KCNMB2: variants seen among roughly 807,000 people sequenced by gnomAD.
KCNMB2 encodes potassium calcium-activated channel subfamily M regulatory beta subunit 2.
In KCNMB2, 9 loss-of-function variants were observed where a neutral mutation model predicts 24.5. The observed-to-expected ratio is 0.37, with a 90% CI of 0.22 to 0.64. The LOEUF (loss-of-function observed/expected upper bound fraction) is 0.64. Ranked by LOEUF, KCNMB2 falls within the 30% of genes least tolerant of loss-of-function variation. KCNMB2 has a pLI of 0.63. For missense variants in KCNMB2, 226 were observed against 284.3 expected (o/e 0.79, Z 1.47); for synonymous variants, 109 against 104.4 (o/e 1.04, Z -0.27).
At chr3:178,747,357 C>T (rs1349415710) in intron 1 of KCNMB2, among the ~76,000 whole-genome samples, 1 of 152,202 alleles carries the variant, frequency 6.6e-6, no homozygotes, top group Non-Finnish European at 1.5e-5. Flanking sequence ...CCACTGGGTC[C>T]CTCCCACAAC....
intron 1 of KCNMB2, among the ~76,000 whole-genome samples, chr3:178,759,296 C>CAT (rs1467058925): frequency 1.0e-5 from 1 of 96,740 alleles, no homozygotes; most frequent in Non-Finnish European, 2.0e-5. Flanking sequence ...CAAGAGGAGA[C>CAT]ATATATATAT....
intron 1 of KCNMB2, among the ~76,000 whole-genome samples, chr3:178,776,140 TC>T (rs1712569750): frequency 6.6e-6 from 1 of 152,076 alleles, no homozygotes; most frequent in Admixed American, 6.6e-5. Flanking sequence ...CTCCCTGCCT[TC>T]CCCAACAACT....
intron 1 of KCNMB2, among the ~76,000 whole-genome samples, chr3:178,717,331 G>C (rs1722649820): frequency 6.6e-6 from 1 of 151,920 alleles, no homozygotes; most frequent in Non-Finnish European, 1.5e-5. Flanking sequence ...AACCTCCTCA[G>C]ATCCTGCCCA....
chr3:178,623,280 T>C (rs530227022), intron 1 of KCNMB2, among the ~76,000 whole-genome samples: 1 of 152,332 alleles, frequency 6.6e-6, no homozygotes, highest in African/African-American at 2.4e-5. Flanking sequence ...GTGATTTATA[T>C]TGAATCTCAG....
chr3:178,657,104 C>T (rs1720371907), intron 1 of KCNMB2, among the ~76,000 whole-genome samples: 1 of 151,774 alleles, frequency 6.6e-6, no homozygotes, highest in Non-Finnish European at 1.5e-5. Flanking sequence ...ATAGGGTTCC[C>T]AGGTTGTCTA....
chr3:178,658,234 T>C (rs994135358), intron 1 of KCNMB2, among the ~76,000 whole-genome samples: 8 of 152,218 alleles, frequency 5.3e-5, no homozygotes, highest in Non-Finnish European at 1.2e-4. Flanking sequence ...CTTAAGATCT[T>C]GTCAAAATAA....
intron 1 of KCNMB2, among the ~76,000 whole-genome samples, chr3:178,598,778 T>G (rs1297120771): frequency 2.6e-5 from 4 of 151,956 alleles, no homozygotes; most frequent in Admixed American, 6.6e-5. Flanking sequence ...TAAGCATGAC[T>G]GGGGAAAGAT....
chr3:178,760,452 A>T (rs1711796120), intron 1 of KCNMB2, among the ~76,000 whole-genome samples: 1 of 142,212 alleles, frequency 7.0e-6, no homozygotes, highest in Non-Finnish European at 1.5e-5. Flanking sequence ...TATTATATAT[A>T]TATCCATATC....
chr3:178,767,414 A>C (rs1450399174), intron 1 of KCNMB2, among the ~76,000 whole-genome samples: 1 of 152,224 alleles, frequency 6.6e-6, no homozygotes, highest in Non-Finnish European at 1.5e-5. Flanking sequence ...GGGCTGCTTC[A>C]GGAATGGGAG....
intron 1 of KCNMB2, among the ~76,000 whole-genome samples, chr3:178,609,310 C>A (rs927580933): frequency 6.6e-6 from 1 of 152,052 alleles, no homozygotes; most frequent in Non-Finnish European, 1.5e-5. Flanking sequence ...CTATTCAAAT[C>A]TTGTGCCCAT....
At chr3:178,702,563 T>C (rs977519879) in intron 1 of KCNMB2, among the ~76,000 whole-genome samples, 1 of 152,154 alleles carries the variant, frequency 6.6e-6, no homozygotes, top group Non-Finnish European at 1.5e-5. Context: ...GGTCCTCCCC[T>C]ACAGGATTTT....
chr3:178,558,748 G>C (rs1308500691), intron 1 of KCNMB2: 1 of 152,130 alleles, frequency 6.6e-6, no homozygotes, highest in Non-Finnish European at 1.5e-5. Flanking sequence ...GCACTAGGCT[G>C]GTTGCTGTTT....
intron 1 of KCNMB2, among the ~76,000 whole-genome samples, chr3:178,685,907 T>C (rs2108324276): frequency 6.6e-6 from 1 of 152,350 alleles, no homozygotes; most frequent in South Asian, 2.1e-4. Context: ...TTGCAAATTC[T>C]GGTTAGTCAA....
chr3:178,817,776 A>G (rs1317453068), intron 2 of KCNMB2, among the ~76,000 whole-genome samples: 2 of 152,158 alleles, frequency 1.3e-5, no homozygotes, highest in African/African-American at 4.8e-5. Context: ...TCATTCCCTG[A>G]TTTATTTAGT....
intron 1 of KCNMB2, among the ~76,000 whole-genome samples, chr3:178,578,672 G>C (rs1237546556): frequency 6.6e-6 from 1 of 152,168 alleles, no homozygotes; most frequent in Non-Finnish European, 1.5e-5. Context: ...AAAATAAAGA[G>C]ATGGAGGAAT....
chr3:178,685,992 A>G lies in KCNMB2; in HGVS notation c.-67-121351A>G, dbSNP rs567753031. On this transcript the variant is annotated intron_variant, in intron 1 of 4. Transcript: ENST00000452583. Reference sequence around the variant, plus strand: ...ATGGTCTTAATAACATCATTATGAAATACTTTTTAGAAACTCTAGTATTCT... The same window carrying G: ...ATGGTCTTAATAACATCATTATGAAGTACTTTTTAGAAACTCTAGTATTCT... Among the ~76,000 whole-genome samples the G allele has an allele frequency of 3.3e-5, 5 of 152,318 alleles. No individual in the cohort carries two copies. The South Asian group carries it at 1.0e-3, about 32-fold the overall frequency.
At chr3:178,539,423 AT>A (rs1033502947) in intron 1 of KCNMB2, among the ~76,000 whole-genome samples, 28 of 152,098 alleles carry the variant, frequency 1.8e-4, no homozygotes, top group South Asian at 1.5e-3. Context: ...GCACGGTTGC[AT>A]TTTTTTTCAA....
intron 1 of KCNMB2, among the ~76,000 whole-genome samples, chr3:178,794,511 G>A (rs930266680): frequency 8.5e-5 from 13 of 152,308 alleles, no homozygotes; most frequent in South Asian, 4.1e-4. Flanking sequence ...GGTCCCTGTC[G>A]TTGTCACTGT....
chr3:178,836,365 A>C (rs9817052), intron 4 of KCNMB2, among the ~76,000 whole-genome samples: 97,909 of 152,000 alleles, frequency 0.64, 33,453 homozygotes, highest in African/African-American at 0.87. Flanking sequence ...AGAGAAGATG[A>C]AATTGCTGGA....
Sources: allele counts gnomAD v4.1 joint callset (sites outside exome capture counted in the v4.1 genomes callset), GRCh38; gene constraint gnomAD v4.1.1; transcripts MANE v1.5; gene names NCBI Gene and HGNC (gene_info 2026-07-23, HGNC 2026-07-21).